Variants in ORAI2 observed in about 807,000 individuals in gnomAD.
ORAI2 encodes the protein ORAI calcium release-activated calcium modulator 2, also known as protein orai-2.
A neutral mutation model predicts 16.2 loss-of-function variants in ORAI2; 10 were observed. The observed-to-expected ratio is 0.62, with a 90% CI of 0.38 to 1.04. ORAI2 has a LOEUF of 1.04. Among genes scored for constraint, ORAI2 ranks in the 50% least tolerant of loss-of-function variants. The probability of loss-of-function intolerance (pLI) is 0.01; values close to 1 mark genes in which losing one functional copy is unlikely to be tolerated. For missense variants in ORAI2, 238 were observed against 355.5 expected (o/e 0.67, Z 2.66); for synonymous variants, 150 against 157.5 (o/e 0.95, Z 0.35).
chr7:102,439,725 C>T (rs1395860390), intron 3 of ORAI2, among the ~76,000 whole-genome samples: 2 of 151,860 alleles, frequency 1.3e-5, no homozygotes, highest in Non-Finnish European at 2.9e-5. Flanking sequence ...GTCCACACGA[C>T]TGCACTCCAG....
chr7:102,446,478 C>G, intron 3 of ORAI2, 35 bp from the exon 4 acceptor site: 1 of 1,574,572 alleles, frequency 6.4e-7, no homozygotes, highest in Non-Finnish European at 8.6e-7. Flanking sequence ...CTTGCCCTCT[C>G]CACACCCAGC....
chr7:102,434,682 T>C (rs574082374), intron 1 of ORAI2: 112 of 152,706 alleles, frequency 7.3e-4, no homozygotes, highest in Non-Finnish European at 1.3e-3. Flanking sequence ...CAAACCAGAA[T>C]GATCTAGCAG....
At position 102,454,466 on chromosome 7, in the gene ORAI2, A is replaced by G. The variant is rs1368648045; in HGVS notation, c.*7414A>G. The G allele has an allele frequency of 6.5e-6, 1 of 153,712 alleles. No individual in the cohort carries two copies. Among genetic ancestry groups the G allele is most frequent in the African/African-American group, 2.4e-5 (1 of 41,450 alleles). The allele number at this position is 153,712 out of a possible 1,614,324, so 9.5% of individuals were successfully genotyped here. On this transcript the variant is annotated 3_prime_UTR_variant, in exon 4 of 4. Coordinates refer to ENST00000495936, the MANE Select transcript of ORAI2 (RefSeq NM_001126340.3). ...GTGGGATGGGGGACAGGCTGGCTTA[A>G]CACAAATCGAGGCAGGAATAACCCC...
At chr7:102,441,127 A>G (rs1797187023) in intron 3 of ORAI2, among the ~76,000 whole-genome samples, 1 of 151,328 alleles carries the variant, frequency 6.6e-6, no homozygotes, top group South Asian at 2.1e-4. Context: ...TCCTGACCTC[A>G]GGTGATCCGC....
Position 102,439,016 on chromosome 7 carries a change from C to A in ORAI2, c.60C>A (p.Gly20=), listed in dbSNP as rs34536451. The A allele has an allele frequency of 6.8e-6, 11 of 1,613,916 alleles. No individual in the cohort carries two copies. The highest frequency in any genetic ancestry group is 2.2e-5 in the East Asian group (1 of 44,902). The change falls in exon 3 of 4, where the codon GGC becomes GGA. Residue 20 remains glycine (G), a synonymous_variant. Transcript: ENST00000495936. ...DPSAPACPEP[G]HKGMDYRDWV... is the part of the protein sequence containing the mutation. ...CTGCTCCTGCCTGCCCTGAGCCCGG[C>A]CATAAGGGCATGGATTACCGGGACT... is the stretch of plus-strand genomic sequence containing the variant.
rs1031442272 is a variant in ORAI2, at chr7:102,448,238, G to C, written c.*1186G>C. ...CCACACACAGTGACTGTGCCGTGCA[G>C]TGCAGGTTCTGGCCTTTTCCTTGAA... On this transcript the variant is annotated 3_prime_UTR_variant, in exon 4 of 4. Transcript: ENST00000495936. 2 of 152,390 alleles carry C rather than the reference G, an allele frequency of 1.3e-5. No individual in the cohort carries two copies. The highest frequency in any genetic ancestry group is 2.9e-5 in the Non-Finnish European group (2 of 68,134). 9.4% of individuals were successfully genotyped at this position (152,390 alleles called of 1,614,324 possible).
At chr7:102,443,423 C>T (rs1305561077) in intron 3 of ORAI2, among the ~76,000 whole-genome samples, 6 of 151,562 alleles carry the variant, frequency 4.0e-5, no homozygotes, top group Admixed American at 2.0e-4. Context: ...GGACTACAGG[C>T]GCCCGCTTTT....
In ORAI2 at chr7:102,450,387, C is replaced by G. The variant is rs1455214851; in HGVS notation, c.*3335C>G. ...GCCCTGCTGGGCCTTCTCCTGCCAC[C>G]TACCTTCCTGGACCATCTGTGCCCC... is the stretch of plus-strand genomic sequence containing the variant. On this transcript the variant is annotated 3_prime_UTR_variant, in exon 4 of 4. Coordinates refer to ENST00000495936, the MANE Select transcript of ORAI2 (RefSeq NM_001126340.3). The G allele has an allele frequency of 6.6e-6, 1 of 152,440 alleles. No homozygotes were observed. The highest frequency in any genetic ancestry group is 1.5e-5 in the Non-Finnish European group (1 of 68,218). The allele number at this position is 152,440 out of a possible 1,614,324, so 9.4% of individuals were successfully genotyped here.
chr7:102,435,053 T>C (rs1280055790), intron 1 of ORAI2, among the ~76,000 whole-genome samples: 2 of 152,152 alleles, frequency 1.3e-5, no homozygotes, highest in Non-Finnish European at 2.9e-5. Flanking sequence ...GCGGATCACT[T>C]GAGCTCAGGA....
At chr7:102,444,145 G>C (rs1797283329) in intron 3 of ORAI2, among the ~76,000 whole-genome samples, 1 of 151,982 alleles carries the variant, frequency 6.6e-6, no homozygotes, top group South Asian at 2.1e-4. Context: ...CCCCAGACAG[G>C]ATATCGCTCC....
At chr7:102,435,445 C>A (rs1427106754) in intron 1 of ORAI2, among the ~76,000 whole-genome samples, 2 of 152,076 alleles carry the variant, frequency 1.3e-5, no homozygotes, top group Non-Finnish European at 2.9e-5. Context: ...CTGCAAGCAC[C>A]TTTTCCTGGC....
chr7:102,442,034 C>G (rs532122211), intron 3 of ORAI2, among the ~76,000 whole-genome samples: 1 of 152,100 alleles, frequency 6.6e-6, no homozygotes, highest in Non-Finnish European at 1.5e-5. Flanking sequence ...TCTAGCAACA[C>G]GTGCTTATGC....
chr7:102,439,106 G>A lies in ORAI2; in HGVS notation c.150G>A (p.Trp50Ter). 1 of 1,614,058 alleles carries A rather than the reference G, an allele frequency of 6.2e-7. No homozygotes were observed. Among genetic ancestry groups the A allele is most frequent in the Non-Finnish European group, 8.5e-7 (1 of 1,180,040 alleles). Residue 50 changes from tryptophan to a stop codon, truncating the protein, a stop_gained, in exon 3 of 4, where the codon TGG becomes TGA. Transcript: ENST00000495936. LOFTEE classifies it high-confidence loss of function. Reference protein sequence around the residue: ...SNHHSVQALSWRKLYLSRAKL... With the variant: ...SNHHSVQALS The stretch of plus-strand genomic sequence containing the variant: ...ACCACTCGGTACAGGCCCTGTCGTG[G>A]CGGAAGCTCTACCTGAGCAGGGCCA...
Position 102,451,665 on chromosome 7 carries a change from C to T in ORAI2, c.*4613C>T, listed in dbSNP as rs1342626186. On this transcript the variant is annotated 3_prime_UTR_variant, in exon 4 of 4. Coordinates refer to ENST00000495936, the MANE Select transcript of ORAI2 (RefSeq NM_001126340.3). ...GTGGGCAGAGGGGATAAATTGCAGC[C>T]CCTGGCCCTCCCGTGGCATCTGCTG... is the stretch of plus-strand genomic sequence containing the variant. 6.6e-6 allele frequency: 1 copy of T among 152,294 alleles called. No homozygotes were observed. The highest frequency in any genetic ancestry group is 1.5e-5 in the Non-Finnish European group (1 of 68,084). 9.4% of individuals were successfully genotyped at this position (152,294 alleles called of 1,614,324 possible). A position where few individuals can be genotyped will look rare whatever the true frequency, so the allele number is the denominator to read the frequency against.
rs1209363834 is a variant in ORAI2, at chr7:102,439,137, A to C, written c.181A>C (p.Lys61Gln). 3.7e-6 allele frequency: 6 copies of C among 1,613,870 alleles called. No individual in the cohort carries two copies. Among genetic ancestry groups the C allele is most frequent in the Admixed American group, 1.7e-5 (1 of 60,014 alleles). ...RKLYLSRAKL[K>Q]ASSRTSALLS... ...GCTCTACCTGAGCAGGGCCAAGCTG[A>C]AGGCCTCCAGCAGGACCTCCGCCCT... The change falls in exon 3 of 4, where the codon AAG (lysine) becomes CAG (glutamine). Residue 61 changes from lysine (K) to glutamine (Q), a missense_variant. Physicochemically the swap from Lys to Gln is moderately conservative, Grantham distance 53. Transcript: ENST00000495936.
At chr7:102,445,069 C>A (rs1320089785) in intron 3 of ORAI2, among the ~76,000 whole-genome samples, 1 of 58,010 alleles carries the variant, frequency 1.7e-5, no homozygotes, top group East Asian at 7.7e-4. Context: ...GATTTTGCTT[C>A]CTTAGCAGAC....
chr7:102,439,240 C>A, intron 3 of ORAI2, 59 bp downstream of exon 3: 1 of 1,434,442 alleles, frequency 7.0e-7, no homozygotes, highest in Non-Finnish European at 9.7e-7. Context: ...TAACTGAGGT[C>A]CCGGGATGCC....
In ORAI2 at chr7:102,446,605, C is replaced by G. The variant is rs754654017; in HGVS notation, c.318C>G (p.Ala106=). The G allele has an allele frequency of 1.2e-6, 2 of 1,613,848 alleles. No homozygotes were observed. Among genetic ancestry groups the G allele is most frequent in the South Asian group, 2.2e-5 (2 of 91,090 alleles). Residue 106 remains alanine, a synonymous_variant, in exon 4 of 4, where the codon GCC becomes GCG. Transcript: ENST00000495936. The part of the protein sequence containing the change: ...AFSACTTVLV[A]VHLFALLIST... ...GCGCCTGCACCACGGTGCTGGTGGC[C>G]GTGCACCTGTTCGCCCTCCTCATCA...
intron 2 of ORAI2, 115 bp downstream of exon 2, chr7:102,436,448 T>C: frequency 1.7e-6 from 1 of 590,982 alleles, no homozygotes; most frequent in Non-Finnish European, 2.1e-6. Context: ...CGACACTGTT[T>C]TCCACCTCCA....
Sources: allele counts gnomAD v4.1 joint callset (sites outside exome capture counted in the v4.1 genomes callset), GRCh38; gene constraint gnomAD v4.1.1; transcripts MANE v1.5; gene names NCBI Gene and HGNC (gene_info 2026-07-23, HGNC 2026-07-21).